The following CFDP1 variants were observed in gnomAD, a reference collection of about 807,000 sequenced individuals.
CFDP1 encodes the protein heterochromatin-stabilizing protein CFDP1.
Under a neutral mutation model 40.1 loss-of-function variants are expected in CFDP1, and 31 were observed. The ratio of observed to expected loss-of-function variants is 0.77; its 90% CI spans 0.58 to 1.04. The LOEUF (loss-of-function observed/expected upper bound fraction) is 1.04. Ranked by LOEUF, CFDP1 falls within the 50% of genes least tolerant of loss-of-function variation. CFDP1 has a pLI of 0.00. For missense variants in CFDP1, 423 were observed against 343.4 expected (o/e 1.23, Z -1.83); for synonymous variants, 167 against 120.0 (o/e 1.39, Z -2.56).
chr16:75,317,003 T>TAAATAA (rs942340718), intron 5 of CFDP1, among the ~76,000 whole-genome samples: 1 of 151,536 alleles, frequency 6.6e-6, no homozygotes, highest in African/African-American at 2.4e-5. Flanking sequence ...AATAAATAAA[T>TAAATAA]AAATAAAAAT....
intron 5 of CFDP1, among the ~76,000 whole-genome samples, chr16:75,343,981 A>C (rs2078544476): frequency 6.6e-6 from 1 of 152,210 alleles, no homozygotes; most frequent in African/African-American, 2.4e-5. Context: ...ATGTATACTA[A>C]AATTAGAATC....
At position 75,380,661 on chromosome 16, in the gene CFDP1, C is replaced by T. The variant is rs150127621; in HGVS notation, c.650+14429G>A. The stretch of plus-strand genomic sequence containing the variant: ...GAAAGGTCTCTTTTAAGAACCGGAA[C>T]GAACCCTGGGCCTGCAACCCACATA... On this transcript the variant is annotated intron_variant, in intron 5 of 6. Coordinates refer to ENST00000283882, the MANE Select transcript of CFDP1 (RefSeq NM_006324.3). Among the ~76,000 whole-genome samples, 1,005 of 152,096 alleles carry T rather than the reference C, an allele frequency of 6.6e-3. 11 individuals carry two copies. Among genetic ancestry groups the T allele is most frequent in the Middle Eastern group, 0.017 (5 of 292 alleles).
At position 75,414,596 on chromosome 16, in the gene CFDP1, G is replaced by T. The variant is rs745349266; in HGVS notation, c.164C>A (p.Ala55Asp). ...TQKTQGKKRK[A>D]QSIPARKRRQ... is the part of the protein sequence containing the mutation. Reference sequence around the variant, plus strand: ...GCATCACCTGGCTGGAATGCTCTGGGCCTTTCTTTTTTTCCCTTGGGTTTT... The same window carrying T: ...GCATCACCTGGCTGGAATGCTCTGGTCCTTTCTTTTTTTCCCTTGGGTTTT... Residue 55 changes from alanine (A) to aspartate (D), a missense_variant, in exon 2 of 7, where the codon GCC becomes GAC. Ala to Asp is a moderately radical substitution (Grantham distance 126, BLOSUM62 -2). Coordinates refer to ENST00000283882, the MANE Select transcript of CFDP1 (RefSeq NM_006324.3). The T allele has an allele frequency of 1.9e-6, 3 of 1,612,470 alleles. No homozygotes were observed. Among genetic ancestry groups the T allele is most frequent in the Non-Finnish European group, 2.5e-6 (3 of 1,178,694 alleles).
At chr16:75,363,991 T>C (rs1390602941) in intron 5 of CFDP1, among the ~76,000 whole-genome samples, 1 of 128,650 alleles carries the variant, frequency 7.8e-6, no homozygotes, top group Non-Finnish European at 1.7e-5. Flanking sequence ...AATTACAAAT[T>C]GAGGTAAGTG....
rs114588712 is a variant in CFDP1 at position 75,400,337 on chromosome 16, C to T, written c.531-5128G>A. On this transcript the variant is annotated intron_variant, in intron 4 of 6. Transcript: ENST00000283882. ...TAGAAAGCAAGTAGACAAGTAATAA[C>T]TGGCTTTGGTTTTTGTTTTCTCTGA... Among the ~76,000 whole-genome samples the T allele has an allele frequency of 7.7e-3, 1,172 of 152,206 alleles. 22 individuals carry two copies. Among genetic ancestry groups the T allele is most frequent in the African/African-American group, 0.026 (1,076 of 41,518 alleles).
chr16:75,382,755 T>C (rs2078862522), intron 5 of CFDP1, among the ~76,000 whole-genome samples: 1 of 152,192 alleles, frequency 6.6e-6, no homozygotes. Flanking sequence ...TTTTTGTACA[T>C]GATATTCCTT....
intron 4 of CFDP1, among the ~76,000 whole-genome samples, chr16:75,404,792 T>C (rs1220960870): frequency 6.6e-6 from 1 of 151,722 alleles, no homozygotes; most frequent in Non-Finnish European, 1.5e-5. Flanking sequence ...AAAGACCAAA[T>C]GCAAAATCAA....
intron 5 of CFDP1, among the ~76,000 whole-genome samples, chr16:75,379,180 G>C (rs1304912916): frequency 1.3e-5 from 2 of 149,962 alleles, no homozygotes; most frequent in Admixed American, 6.6e-5. Context: ...CAAGAATCTA[G>C]TAAAAAAAAA....
In CFDP1 at chr16:75,393,201, T is replaced by C. The variant is rs139991060; in HGVS notation, c.650+1889A>G. Among the ~76,000 whole-genome samples, 58 of 152,248 alleles carry C rather than the reference T, an allele frequency of 3.8e-4. No individual in the cohort carries two copies. In the Middle Eastern group the frequency reaches 0.01, roughly 27 times the overall value. On this transcript the variant is annotated intron_variant, in intron 5 of 6. Transcript: ENST00000283882. Reference sequence around the variant, plus strand: ...CACTGTGTTCTTCCCAATCTCTAAGTTTCCCAGCAGGAATGAGTGCCAGTC... The same window carrying C: ...CACTGTGTTCTTCCCAATCTCTAAGCTTCCCAGCAGGAATGAGTGCCAGTC...
chr16:75,361,788 G>GA (rs1473641534), intron 5 of CFDP1, among the ~76,000 whole-genome samples: 3 of 152,152 alleles, frequency 2.0e-5, no homozygotes, highest in African/African-American at 7.2e-5. Flanking sequence ...ACATGAACAT[G>GA]TTCTCTCCTT....
rs779427731 is a variant in CFDP1, at chr16:75,397,662, G to A, written c.531-2453C>T. Among the ~76,000 whole-genome samples, 40 of 152,000 alleles carry A rather than the reference G, an allele frequency of 2.6e-4. No homozygotes were observed. In the South Asian group the frequency reaches 2.7e-3, roughly 10 times the overall value. On this transcript the variant is annotated intron_variant, in intron 4 of 6. Transcript: ENST00000283882. ...CTAAAAAAAGTAAAAAAAATTAGCCGGGCATAGTGGCAGGTACACCTGTAT... is the reference window on the plus strand; with the variant it reads ...CTAAAAAAAGTAAAAAAAATTAGCCAGGCATAGTGGCAGGTACACCTGTAT...
At chr16:75,297,746 A>T (rs2078194258) in intron 6 of CFDP1, among the ~76,000 whole-genome samples, 1 of 152,200 alleles carries the variant, frequency 6.6e-6, no homozygotes, top group Admixed American at 6.5e-5. Flanking sequence ...GGGATTTTCT[A>T]GTTTTTCCTT....
chr16:75,393,778 G>A (rs1232830571), intron 5 of CFDP1, among the ~76,000 whole-genome samples: 1 of 139,884 alleles, frequency 7.1e-6, no homozygotes, highest in Non-Finnish European at 1.5e-5. Context: ...AAAAAAGTGG[G>A]GCCGGGCCCG....
intron 4 of CFDP1, among the ~76,000 whole-genome samples, chr16:75,401,462 T>A (rs922240632): frequency 1.4e-5 from 2 of 143,230 alleles, no homozygotes; most frequent in African/African-American, 2.6e-5. Flanking sequence ...TAGCTGGGCG[T>A]GGTAGCAGGT....
intron 5 of CFDP1, among the ~76,000 whole-genome samples, chr16:75,317,694 C>A (rs1025093827): frequency 1.3e-5 from 2 of 152,124 alleles, no homozygotes; most frequent in African/African-American, 4.8e-5. Flanking sequence ...TTATGCAGAA[C>A]CCTGGGAGCT....
In CFDP1 at chr16:75,400,307, G is replaced by C. The variant is rs141102025; in HGVS notation, c.531-5098C>G. Among the ~76,000 whole-genome samples the C allele has an allele frequency of 6.5e-3, 981 of 151,726 alleles. 8 individuals carry two copies. Among genetic ancestry groups the C allele is most frequent in the Middle Eastern group, 0.017 (5 of 292 alleles). On this transcript the variant is annotated intron_variant, in intron 4 of 6. Coordinates refer to ENST00000283882, the MANE Select transcript of CFDP1 (RefSeq NM_006324.3). ...ACAAAAAACAAAACAAAACAAAAAA[G>C]AAGGTAGAAAGCAAGTAGACAAGTA...
At chr16:75,307,238 G>A (rs912223498) in intron 5 of CFDP1, among the ~76,000 whole-genome samples, 12 of 151,246 alleles carry the variant, frequency 7.9e-5, no homozygotes, top group Admixed American at 7.3e-4. Context: ...TTTTTGAGAC[G>A]GAGTTTCTCT....
intron 1 of CFDP1, among the ~76,000 whole-genome samples, chr16:75,423,867 T>C (rs991430677): frequency 3.9e-5 from 6 of 152,252 alleles, no homozygotes; most frequent in Non-Finnish European, 7.4e-5. Flanking sequence ...ACCCAGCCTT[T>C]TTCCAAATAT....
At chr16:75,352,786 T>C (rs1463054710) in intron 5 of CFDP1, among the ~76,000 whole-genome samples, 3 of 152,160 alleles carry the variant, frequency 2.0e-5, no homozygotes, top group Admixed American at 6.5e-5. Context: ...CACTTTATTA[T>C]AAAATAGACT....
Sources: allele counts gnomAD v4.1 joint callset (sites outside exome capture counted in the v4.1 genomes callset), GRCh38; gene constraint gnomAD v4.1.1; transcripts MANE v1.5; gene names NCBI Gene and HGNC (gene_info 2026-07-23, HGNC 2026-07-21).